ATG7: variants seen among roughly 807,000 people sequenced by gnomAD.
ATG7 encodes autophagy related 7, also known as ubiquitin-like modifier-activating enzyme ATG7.
ATG7 carries 70 observed loss-of-function variants against 82.4 expected under a neutral mutation model. The observed-to-expected ratio is 0.85, with a 90% confidence interval of 0.70 to 1.04. The LOEUF (loss-of-function observed/expected upper bound fraction) is 1.04. Ranked by LOEUF, ATG7 falls within the 50% of genes least tolerant of loss-of-function variation. The probability of loss-of-function intolerance (pLI) is 0.00; values close to 1 mark genes in which losing one functional copy is unlikely to be tolerated. For synonymous variants in ATG7, 287 were observed against 313.0 expected, an observed-to-expected ratio of 0.92 and a Z score of 0.88; for missense variants, 792 against 864.3, an observed-to-expected ratio of 0.92 and a Z score of 1.05.
At chr3:11,305,820 G>A (rs1281362821) in intron 5 of ATG7, among the ~76,000 whole-genome samples, 2 of 152,086 alleles carry the variant, frequency 1.3e-5, no homozygotes, top group Admixed American at 1.3e-4. Flanking sequence ...CCTGTTCTAG[G>A]TTTAGATTTC....
At chr3:11,309,120 T>C in intron 7 of ATG7, 59 bp downstream of exon 7, 2 of 1,461,312 alleles carry the variant, frequency 1.4e-6, no homozygotes, top group Non-Finnish European at 9.6e-7. Flanking sequence ...CTTAGCCCAG[T>C]GTACCAGTAG....
intron 7 of ATG7, among the ~76,000 whole-genome samples, chr3:11,311,564 C>T (rs962938810): frequency 1.3e-5 from 2 of 148,466 alleles, no homozygotes; most frequent in Non-Finnish European, 3.0e-5. Flanking sequence ...ATCGTCGTGC[C>T]GTTGCACTCC....
intron 20 of ATG7, 85 bp downstream of exon 20, chr3:11,427,011 A>G (rs1216323159): frequency 4.9e-6 from 7 of 1,432,744 alleles, no homozygotes; most frequent in Admixed American, 2.6e-5. Context: ...GAAGAAAGCA[A>G]TTAATTTTAA....
At chr3:11,391,810 A>G (rs916559628) in intron 19 of ATG7, among the ~76,000 whole-genome samples, 1 of 152,164 alleles carries the variant, frequency 6.6e-6, no homozygotes, top group African/African-American at 2.4e-5. Context: ...AGCGCTTCCC[A>G]GTCTATCAGA....
chr3:11,333,655 T>C (rs560978834), intron 11 of ATG7, among the ~76,000 whole-genome samples: 2 of 151,950 alleles, frequency 1.3e-5, no homozygotes, highest in East Asian at 3.9e-4. Flanking sequence ...TATATATATA[T>C]ACACATATAT....
At chr3:11,546,769 T>TC (rs1278890336) in intron 20 of ATG7, among the ~76,000 whole-genome samples, 3 of 152,180 alleles carry the variant, frequency 2.0e-5, no homozygotes, top group African/African-American at 7.2e-5. Context: ...AGGTCCCTCT[T>TC]CCCCTAATGC....
At position 11,555,015 on chromosome 3, in the gene ATG7, G is replaced by A. The variant is rs568329574; in HGVS notation, c.*172G>A. The A allele has an allele frequency of 4.3e-5, 33 of 774,080 alleles. No homozygotes were observed. The highest frequency in any genetic ancestry group is 6.6e-4 in the Middle Eastern group (2 of 3,024). 48.0% of individuals were successfully genotyped at this position (774,080 alleles called of 1,614,324 possible). ...GAGTGGCCAGTGTTCGGCGTTGCTC[G>A]GGATTCAAGATACCACCAGTTCAGA... is the stretch of plus-strand genomic sequence containing the variant. On this transcript the variant is annotated 3_prime_UTR_variant, in exon 21 of 21. Transcript: ENST00000693202.
the ATG7 span, chr3:11,564,654 A>C: frequency 1.2e-6 from 1 of 822,554 alleles, no homozygotes; most frequent in Non-Finnish European, 1.8e-6. Flanking sequence ...ACAGAGGCGA[A>C]GGGTGGCATC....
intron 3 of ATG7, among the ~76,000 whole-genome samples, chr3:11,288,434 A>T (rs1286838749): frequency 6.6e-6 from 1 of 152,184 alleles, no homozygotes; most frequent in Non-Finnish European, 1.5e-5. Flanking sequence ...TGTTTCAAGG[A>T]TCTCCCAGCT....
At chr3:11,523,596 G>A (rs1180315515) in intron 20 of ATG7, among the ~76,000 whole-genome samples, 1 of 152,194 alleles carries the variant, frequency 6.6e-6, no homozygotes, top group African/African-American at 2.4e-5. Context: ...CAGGCTTCAC[G>A]AAAACCTGAT....
chr3:11,290,109 G>A (rs576655189), intron 3 of ATG7, among the ~76,000 whole-genome samples: 27 of 152,270 alleles, frequency 1.8e-4, no homozygotes, highest in Non-Finnish European at 3.5e-4. Flanking sequence ...CCTCCAATTA[G>A]TGTTCCAGCT....
At chr3:11,519,278 T>G (rs982236888) in intron 20 of ATG7, among the ~76,000 whole-genome samples, 5 of 152,180 alleles carry the variant, frequency 3.3e-5, no homozygotes, top group Non-Finnish European at 7.3e-5. Flanking sequence ...TGTAAGGAAC[T>G]TGGGTACTAT....
In ATG7 at chr3:11,358,678, C is replaced by T. The variant is rs1178455677; in HGVS notation, c.1479+66C>T. ...CACCACTCCAGAGGGAGGAGTGTCC[C>T]TAACCTTCCCTTCCCCAGGGCAGAG... On this transcript the variant is annotated intron_variant, in intron 15 of 20. Coordinates refer to ENST00000693202, the MANE Select transcript of ATG7 (RefSeq NM_001349232.2). The T allele has an allele frequency of 8.0e-6, 12 of 1,504,526 alleles. No individual in the cohort carries two copies. In the Admixed American group the frequency reaches 9.6e-5, roughly 12 times the overall value. The allele number at this position is 1,504,526 out of a possible 1,614,324, so 93.2% of individuals were successfully genotyped here.
intron 20 of ATG7, chr3:11,510,419 C>T: frequency 2.6e-6 from 1 of 384,042 alleles, no homozygotes; most frequent in Non-Finnish European, 5.1e-6. Context: ...GCTACTGAAC[C>T]AAAGGGCCTC....
intron 3 of ATG7, among the ~76,000 whole-genome samples, chr3:11,283,992 AAC>A (rs1943518475): frequency 6.6e-6 from 1 of 152,092 alleles, no homozygotes; most frequent in East Asian, 1.9e-4. Context: ...AAAAAACTAA[AAC>A]ACACAGAAAA....
At chr3:11,276,810 T>C (rs1227489998) in intron 1 of ATG7, among the ~76,000 whole-genome samples, 2 of 152,180 alleles carry the variant, frequency 1.3e-5, no homozygotes, top group East Asian at 3.8e-4. Context: ...ACTATATTCT[T>C]TTCAACCGCA....
At chr3:11,494,368 C>A (rs546091660) in intron 20 of ATG7, among the ~76,000 whole-genome samples, 15 of 152,260 alleles carry the variant, frequency 9.9e-5, no homozygotes, top group Admixed American at 9.8e-4. Context: ...TCCTTGATAC[C>A]ATCTGGGTAG....
rs143084842 is a variant in ATG7 at position 11,313,341 on chromosome 3, A to G, written c.449A>G (p.Tyr150Cys). Residue 150 changes from tyrosine to cysteine, a missense_variant, in exon 8 of 21, where the codon TAT becomes TGT. Transcript: ENST00000693202. ...KKYHFYYWFC[Y>C]PALCLPESLP... ...TACCACTTCTACTATTGGTTTTGCT[A>G]TCCTGCCCTCTGTCTTCCAGAGAGT... 4.0e-5 allele frequency: 65 copies of G among 1,612,860 alleles called. No individual in the cohort carries two copies. In the Admixed American group the frequency reaches 9.4e-4, roughly 23 times the overall value.
chr3:11,405,819 T>C (rs1370395750), intron 19 of ATG7, among the ~76,000 whole-genome samples: 1 of 151,466 alleles, frequency 6.6e-6, no homozygotes, highest in Non-Finnish European at 1.5e-5. Flanking sequence ...GGGGTTTCGC[T>C]GTGTTTCCCA....
Sources: gnomAD v4.1 joint callset for allele counts (sites outside exome capture counted in the v4.1 genomes callset) on GRCh38, gnomAD v4.1.1 for gene constraint, MANE v1.5 for transcripts, NCBI Gene and HGNC (gene_info 2026-07-23, HGNC 2026-07-21) for gene names.